The following CNTLN variants were observed in gnomAD, a reference collection of about 807,000 sequenced individuals.
CNTLN encodes centlein, centrosomal protein.
In CNTLN, 212 loss-of-function variants were observed where a neutral mutation model predicts 180.0. That is an observed-to-expected ratio of 1.18 (90% confidence interval 1.05 to 1.32). CNTLN has a LOEUF of 1.32. CNTLN is among the 40% of genes most tolerant of loss of function. CNTLN has a pLI of 0.00. For synonymous variants in CNTLN, 722 were observed against 563.1 expected (o/e 1.28, Z -3.99); for missense variants, 2,095 against 1,610.9 (o/e 1.30, Z -5.14).
At chr9:17,228,839 CAGG>C (rs199884238) in intron 3 of CNTLN, among the ~76,000 whole-genome samples, 1,549 of 152,118 alleles carry the variant, frequency 0.01, 28 homozygotes, top group African/African-American at 0.034. Context: ...TTAGAGAAAC[CAGG>C]AGAACAGTGG....
intron 25 of CNTLN, among the ~76,000 whole-genome samples, chr9:17,490,504 C>A (rs1052849052): frequency 6.6e-6 from 1 of 151,990 alleles, no homozygotes; most frequent in Non-Finnish European, 1.5e-5. Flanking sequence ...ATGTTACATA[C>A]TTTATGATTC....
chr9:17,325,511 T>C (rs1273714441), intron 8 of CNTLN, among the ~76,000 whole-genome samples: 1 of 151,122 alleles, frequency 6.6e-6, no homozygotes, highest in Non-Finnish European at 1.5e-5. Context: ...TTCTGATATA[T>C]ACGTGTATGT....
chr9:17,213,430 A>G (rs183542325), intron 2 of CNTLN, among the ~76,000 whole-genome samples: 1 of 152,164 alleles, frequency 6.6e-6, no homozygotes, highest in Non-Finnish European at 1.5e-5. Flanking sequence ...ACAGTTTGTT[A>G]TAATTTCTGT....
At chr9:17,290,983 C>G (rs979018026) in intron 6 of CNTLN, among the ~76,000 whole-genome samples, 2 of 152,096 alleles carry the variant, frequency 1.3e-5, no homozygotes, top group Non-Finnish European at 2.9e-5. Flanking sequence ...GTCGCTCATG[C>G]TGGGAGCTGT....
At chr9:17,487,816 T>C (rs1484385308) in intron 25 of CNTLN, among the ~76,000 whole-genome samples, 2 of 152,130 alleles carry the variant, frequency 1.3e-5, no homozygotes, top group Non-Finnish European at 2.9e-5. Context: ...GATGCGCCCC[T>C]CTTGTAAGTG....
intron 2 of CNTLN, among the ~76,000 whole-genome samples, chr9:17,205,204 G>T (rs1367206637): frequency 6.6e-6 from 1 of 152,146 alleles, no homozygotes; most frequent in Non-Finnish European, 1.5e-5. Context: ...TGTTCTGTGT[G>T]GGAAACGTGA....
chr9:17,276,262 C>T (rs974578760), intron 6 of CNTLN, among the ~76,000 whole-genome samples: 8 of 151,970 alleles, frequency 5.3e-5, no homozygotes, highest in Admixed American at 6.6e-5. Flanking sequence ...TACAGTGTGT[C>T]TCCTAAGTTA....
intron 6 of CNTLN, among the ~76,000 whole-genome samples, chr9:17,290,818 C>T (rs1829337354): frequency 6.6e-6 from 1 of 152,196 alleles, no homozygotes; most frequent in Non-Finnish European, 1.5e-5. Flanking sequence ...AGGGAACTCC[C>T]TGATCCCTCG....
At chr9:17,291,393 T>C (rs1162687833) in intron 6 of CNTLN, among the ~76,000 whole-genome samples, 3 of 152,174 alleles carry the variant, frequency 2.0e-5, no homozygotes, top group African/African-American at 7.2e-5. Context: ...TGTCTAATAT[T>C]GACAGTGGGG....
intron 18 of CNTLN, among the ~76,000 whole-genome samples, chr9:17,431,582 G>A (rs1292102098): frequency 6.6e-6 from 1 of 151,972 alleles, no homozygotes; most frequent in East Asian, 1.9e-4. Flanking sequence ...TGTTACCTGT[G>A]CTTTTGAGAT....
At chr9:17,485,264 G>C (rs144136340) in intron 24 of CNTLN, among the ~76,000 whole-genome samples, 1 of 151,966 alleles carries the variant, frequency 6.6e-6, no homozygotes, top group Non-Finnish European at 1.5e-5. Flanking sequence ...GATAGACTTG[G>C]GTGTCTGTAT....
At chr9:17,214,942 T>G (rs1209749980) in intron 2 of CNTLN, among the ~76,000 whole-genome samples, 5 of 152,350 alleles carry the variant, frequency 3.3e-5, no homozygotes, top group Middle Eastern at 3.4e-3. Flanking sequence ...GTTATTCTAG[T>G]TAGCCATTTG....
chr9:17,196,684 AAT>A (rs1290033984), intron 2 of CNTLN, among the ~76,000 whole-genome samples: 1 of 150,958 alleles, frequency 6.6e-6, no homozygotes, highest in Non-Finnish European at 1.5e-5. Context: ...TTTTATATGT[AAT>A]AATACATTTT....
At chr9:17,439,410 TAAA>T (rs1246043907) in intron 18 of CNTLN, among the ~76,000 whole-genome samples, 1 of 152,112 alleles carries the variant, frequency 6.6e-6, no homozygotes, top group Admixed American at 6.5e-5. Context: ...AAAGTTAACT[TAAA>T]AATATCTGAT....
At position 17,457,563 on chromosome 9, in the gene CNTLN, G is replaced by C; in HGVS notation, c.3154G>C (p.Glu1052Gln). The C allele has an allele frequency of 2.0e-6, 3 of 1,522,980 alleles. No individual in the cohort carries two copies. Among genetic ancestry groups the C allele is most frequent in the Non-Finnish European group, 2.6e-6 (3 of 1,133,262 alleles). The allele number at this position is 1,522,980 out of a possible 1,614,324, so 94.3% of individuals were successfully genotyped here. A position where few individuals can be genotyped will look rare whatever the true frequency, so the allele number is the denominator to read the frequency against. Residue 1052 changes from glutamate to glutamine, a missense_variant, in exon 19 of 26, where the codon GAA becomes CAA. By Grantham distance (29) the Glu-to-Gln change is conservative. Coordinates refer to ENST00000380647, the MANE Select transcript of CNTLN (RefSeq NM_017738.4). Reference protein sequence around the residue: ...LDLAGLRKEKEDLLKKLESSS... With the variant: ...LDLAGLRKEKQDLLKKLESSS... ...TTTGGCTGGGCTTCGGAAAGAAAAA[G>C]AAGATTTACTAAAGAAATTGGAGTC...
At chr9:17,512,328 A>T in the CNTLN span, among the ~76,000 whole-genome samples, 1 of 152,190 alleles carries the variant, frequency 6.6e-6, no homozygotes, top group Non-Finnish European at 1.5e-5. Flanking sequence ...GAAGCTAAAG[A>T]ATACTTTTCA....
At chr9:17,316,930 C>T (rs1819577645) in intron 8 of CNTLN, among the ~76,000 whole-genome samples, 1 of 152,018 alleles carries the variant, frequency 6.6e-6, no homozygotes. Context: ...CTCCCCCTGC[C>T]CTTTATGCTT....
intron 18 of CNTLN, among the ~76,000 whole-genome samples, chr9:17,420,561 T>G (rs1828637147): frequency 6.6e-6 from 1 of 152,104 alleles, no homozygotes; most frequent in Admixed American, 6.5e-5. Flanking sequence ...ATTTATTTCT[T>G]CTCTGATCTT....
At chr9:17,312,171 G>A (rs926627323) in intron 8 of CNTLN, among the ~76,000 whole-genome samples, 1 of 151,568 alleles carries the variant, frequency 6.6e-6, no homozygotes, top group Non-Finnish European at 1.5e-5. Context: ...CTACAAATAA[G>A]CATTCGTTTA....
Sources: gnomAD v4.1 joint callset for allele counts (sites outside exome capture counted in the v4.1 genomes callset) on GRCh38, gnomAD v4.1.1 for gene constraint, MANE v1.5 for transcripts, NCBI Gene and HGNC (gene_info 2026-07-23, HGNC 2026-07-21) for gene names.